The following WDPCP variants were observed in gnomAD, a reference collection of about 807,000 sequenced individuals.
The protein encoded by WDPCP is WD repeat-containing and planar cell polarity effector protein fritz homolog.
Under a neutral mutation model 93.1 loss-of-function variants are expected in WDPCP, and 71 were observed. The observed-to-expected ratio is 0.76, with a 90% confidence interval of 0.63 to 0.93. The LOEUF is 0.93. Ranked by LOEUF, WDPCP falls within the 40% of genes least tolerant of loss-of-function variation. WDPCP has a pLI of 0.00. For synonymous variants in WDPCP, 315 were observed against 315.0 expected, an observed-to-expected ratio of 1.00 and a Z score of 0.00; for missense variants, 844 against 887.4, an observed-to-expected ratio of 0.95 and a Z score of 0.62.
chr2:63,357,656 C>T (rs1690121413), intron 12 of WDPCP, among the ~76,000 whole-genome samples: 2 of 151,954 alleles, frequency 1.3e-5, no homozygotes, highest in Non-Finnish European at 2.9e-5. Context: ...ACACTGGGGG[C>T]AGGAGTGTTA....
intron 1 of WDPCP, among the ~76,000 whole-genome samples, chr2:63,525,337 C>T (rs1703250430): frequency 6.6e-6 from 1 of 152,086 alleles, no homozygotes; most frequent in South Asian, 2.1e-4. Flanking sequence ...GTACACCAAA[C>T]CTCTGTGACA....
chr2:63,516,769 G>A (rs527286530), intron 1 of WDPCP, among the ~76,000 whole-genome samples: 1 of 151,506 alleles, frequency 6.6e-6, no homozygotes, highest in Non-Finnish European at 1.5e-5. Context: ...AGGATAATGG[G>A]TTTTTTTTTA....
At chr2:63,510,774 C>T (rs995569309) in intron 1 of WDPCP, among the ~76,000 whole-genome samples, 2 of 152,124 alleles carry the variant, frequency 1.3e-5, no homozygotes, top group African/African-American at 4.8e-5. Context: ...GTACTCAAGA[C>T]CAGCCTGGCC....
intron 14 of WDPCP, 66 bp downstream of exon 14, chr2:63,259,241 A>T (rs757233897): frequency 6.6e-6 from 9 of 1,357,196 alleles, no homozygotes; most frequent in South Asian, 1.2e-5. Context: ...TCCTCCAAAC[A>T]TAAATAGAAA....
intron 14 of WDPCP, among the ~76,000 whole-genome samples, chr2:63,209,572 T>C (rs1052603203): frequency 1.6e-4 from 24 of 152,236 alleles, no homozygotes; most frequent in African/African-American, 5.8e-4. Context: ...ACTTATGTTT[T>C]GGGGTTTATA....
At chr2:63,544,729 G>A (rs979681543) in intron 1 of WDPCP, among the ~76,000 whole-genome samples, 11 of 151,984 alleles carry the variant, frequency 7.2e-5, no homozygotes, top group Admixed American at 6.6e-4. Context: ...CTGTATATAA[G>A]GAAAGGTATG....
chr2:63,255,641 G>A (rs1358708415), intron 14 of WDPCP, among the ~76,000 whole-genome samples: 1 of 152,044 alleles, frequency 6.6e-6, no homozygotes, highest in African/African-American at 2.4e-5. Context: ...GGCCTCACCA[G>A]GTACAGATGC....
In WDPCP at chr2:63,466,208, T is replaced by G. The variant is rs1699335541; in HGVS notation, c.384+18396A>C. ...ACTGTGGAGAGCCACTGTGAACATT[T>G]TATATACAATACTATTTTATGAGTA... On this transcript the variant is annotated intron_variant, in intron 6 of 17. Coordinates refer to ENST00000272321, the MANE Select transcript of WDPCP (RefSeq NM_015910.7). Among the ~76,000 whole-genome samples, 5 of 152,170 alleles carry G rather than the reference T, an allele frequency of 3.3e-5. No individual in the cohort carries two copies. In the South Asian group the frequency reaches 1.0e-3, roughly 32 times the overall value.
In WDPCP at chr2:63,120,117, G is replaced by T. The variant is rs762604086; in HGVS notation, c.*1889C>A. ...AGTATCTCACAGGAAAGGTATTTTGGGTTAATGACTATTTACCCGGAAAAT... is the reference window on the plus strand; with the variant it reads ...AGTATCTCACAGGAAAGGTATTTTGTGTTAATGACTATTTACCCGGAAAAT... On this transcript the variant is annotated 3_prime_UTR_variant, in exon 18 of 18. Transcript: ENST00000272321. 6.6e-6 allele frequency among the ~76,000 whole-genome samples: 1 copy of T among 151,766 alleles called. No homozygotes were observed. The highest frequency in any genetic ancestry group is 1.5e-5 in the Non-Finnish European group (1 of 67,928).
intron 17 of WDPCP, among the ~76,000 whole-genome samples, chr2:63,145,915 T>A (rs1360944420): frequency 1.3e-5 from 2 of 152,210 alleles, no homozygotes; most frequent in Non-Finnish European, 2.9e-5. Flanking sequence ...ATTGTAGAGA[T>A]CTTTCACCTC....
At chr2:63,256,281 T>C (rs925661703) in intron 14 of WDPCP, among the ~76,000 whole-genome samples, 2 of 152,140 alleles carry the variant, frequency 1.3e-5, no homozygotes, top group African/African-American at 2.4e-5. Context: ...AATAATAACA[T>C]TGACAGCCAG....
chr2:63,503,596 T>G (rs969319547), intron 1 of WDPCP, among the ~76,000 whole-genome samples: 4 of 152,138 alleles, frequency 2.6e-5, no homozygotes, highest in African/African-American at 7.2e-5. Flanking sequence ...CTTTTTAGGA[T>G]GTACCTCAAC....
intron 13 of WDPCP, among the ~76,000 whole-genome samples, chr2:63,282,654 T>C (rs1397546756): frequency 1.3e-5 from 2 of 152,192 alleles, no homozygotes; most frequent in South Asian, 4.1e-4. Flanking sequence ...TGATGTTACT[T>C]TACAGCCATA....
intron 3 of WDPCP, among the ~76,000 whole-genome samples, chr2:63,602,615 G>A (rs1276910714): frequency 6.6e-6 from 1 of 151,964 alleles, no homozygotes; most frequent in Non-Finnish European, 1.5e-5. Flanking sequence ...GTAGATTCCT[G>A]TAACTGCCCC....
chr2:63,238,703 C>T (rs1679614538), intron 14 of WDPCP, among the ~76,000 whole-genome samples: 1 of 152,018 alleles, frequency 6.6e-6, no homozygotes, highest in African/African-American at 2.4e-5. Flanking sequence ...TCCTTCTAGT[C>T]CAAACCTAGG....
At chr2:63,488,197 C>G (rs1700678319) in intron 2 of WDPCP, among the ~76,000 whole-genome samples, 1 of 152,076 alleles carries the variant, frequency 6.6e-6, no homozygotes, top group Non-Finnish European at 1.5e-5. Context: ...TAAAATATTT[C>G]TTTCATTGAA....
chr2:63,600,526 T>C (rs912326652), intron 3 of WDPCP, among the ~76,000 whole-genome samples: 2 of 152,254 alleles, frequency 1.3e-5, no homozygotes, highest in African/African-American at 4.8e-5. Flanking sequence ...AATAATTGTA[T>C]CTACCTCAGA....
chr2:63,495,093 A>C (rs1461606578), intron 1 of WDPCP, among the ~76,000 whole-genome samples: 1 of 152,190 alleles, frequency 6.6e-6, no homozygotes, highest in Non-Finnish European at 1.5e-5. Context: ...TTTAAAGCTA[A>C]GAGATGAAAT....
At chr2:63,633,769 G>A (rs1000963361) in intron 3 of WDPCP, among the ~76,000 whole-genome samples, 2 of 152,114 alleles carry the variant, frequency 1.3e-5, no homozygotes, top group Admixed American at 1.3e-4. Flanking sequence ...TTATTTAAAT[G>A]GGTTAAATTC....
Sources: allele counts gnomAD v4.1 joint callset (sites outside exome capture counted in the v4.1 genomes callset), GRCh38; gene constraint gnomAD v4.1.1; transcripts MANE v1.5; gene names NCBI Gene and HGNC (gene_info 2026-07-23, HGNC 2026-07-21).